The following EHBP1 variants were observed in gnomAD, a reference collection of about 807,000 sequenced individuals.
The protein encoded by EHBP1 is EH domain binding protein 1, also known as EH domain-binding protein 1.
EHBP1 carries 55 observed loss-of-function variants against 144.0 expected under a neutral mutation model. The ratio of observed to expected loss-of-function variants is 0.38; its 90% confidence interval spans 0.31 to 0.48. The LOEUF (loss-of-function observed/expected upper bound fraction) is 0.48, where lower values mean the gene tolerates loss of function less well. EHBP1 is among the 20% of genes least tolerant of loss of function. The pLI, the probability that EHBP1 is intolerant of heterozygous loss-of-function variation, is 0.98. For synonymous variants in EHBP1, 469 were observed against 472.7 expected, an observed-to-expected ratio of 0.99 and a Z score of 0.10; for missense variants, 1,200 against 1,364.2, an observed-to-expected ratio of 0.88 and a Z score of 1.90.
chr2:62,970,541 G>A (rs1298264355), intron 14 of EHBP1, among the ~76,000 whole-genome samples: 1 of 152,072 alleles, frequency 6.6e-6, no homozygotes, highest in African/African-American at 2.4e-5. Context: ...GTGTAGACAT[G>A]TTTCTTAATG....
intron 7 of EHBP1, among the ~76,000 whole-genome samples, chr2:62,857,581 A>G (rs2049158248): frequency 6.6e-6 from 1 of 152,058 alleles, no homozygotes; most frequent in Non-Finnish European, 1.5e-5. Context: ...ATCTGGATCT[A>G]TTTGCTGTAT....
intron 2 of EHBP1, among the ~76,000 whole-genome samples, chr2:62,712,259 G>A (rs1046078452): frequency 6.6e-6 from 1 of 152,166 alleles, no homozygotes; most frequent in African/African-American, 2.4e-5. Context: ...AAGCAGATAG[G>A]TTGGTAGATT....
intron 5 of EHBP1, among the ~76,000 whole-genome samples, chr2:62,803,797 TTG>T (rs1163836444): frequency 6.6e-6 from 1 of 152,198 alleles, no homozygotes; most frequent in East Asian, 1.9e-4. Context: ...ACGTTCAAAT[TTG>T]TGTCTTTTAT....
intron 5 of EHBP1, among the ~76,000 whole-genome samples, chr2:62,787,093 T>C (rs764249300): frequency 5.3e-5 from 8 of 152,220 alleles, no homozygotes; most frequent in Non-Finnish European, 1.0e-4. Context: ...GACAAGACGC[T>C]GTCTTTCTTT....
rs1477433157 is a variant in EHBP1 at position 62,826,108 on chromosome 2, A to C, written c.334A>C (p.Lys112Gln). 6.7e-7 allele frequency: 1 copy of C among 1,497,498 alleles called. No individual in the cohort carries two copies. Among genetic ancestry groups the C allele is most frequent in the Non-Finnish European group, 8.9e-7 (1 of 1,123,142 alleles). 92.8% of individuals were successfully genotyped at this position (1,497,498 alleles called of 1,614,324 possible). A position where few individuals can be genotyped will look rare whatever the true frequency, so the allele number is the denominator to read the frequency against. The change falls in exon 6 of 23, where the codon AAA becomes CAA. Residue 112 changes from lysine to glutamine, a missense_variant. By Grantham distance (53) the Lys-to-Gln change is moderately conservative (BLOSUM62 1). Transcript: ENST00000431489. ...CCAGGAATCCCCTTCTGGTCGAAGG[A>C]AAGCTCTTGCTACTAGCAGCATCAA... ...IENESPSGRR[K>Q]ALATSSINMK... is the part of the protein sequence containing the mutation.
rs2061943530 is a variant in EHBP1 at position 63,046,022 on chromosome 2, CTG to C, written c.*526_*527del. 6.5e-6 allele frequency: 1 copy of C among 154,044 alleles called. No individual in the cohort carries two copies. The highest frequency in any genetic ancestry group is 6.4e-5 in the Admixed American group (1 of 15,514). 9.5% of individuals were successfully genotyped at this position (154,044 alleles called of 1,614,324 possible). A position where few individuals can be genotyped will look rare whatever the true frequency, so the allele number is the denominator to read the frequency against. On this transcript the variant is annotated 3_prime_UTR_variant, in exon 23 of 23. Transcript: ENST00000431489. Reference sequence around the variant, plus strand: ...GATCATATCCAATCTACTTATTAAACTGTGTTCTATTTACCAGTGGAGTTTTT... The same window carrying C: ...GATCATATCCAATCTACTTATTAAACTGTTCTATTTACCAGTGGAGTTTTT...
intron 5 of EHBP1, among the ~76,000 whole-genome samples, chr2:62,776,483 A>G (rs1231237480): frequency 6.6e-6 from 1 of 152,222 alleles, no homozygotes; most frequent in Non-Finnish European, 1.5e-5. Flanking sequence ...ACAGAAGAAT[A>G]TAAAGGAAAG....
intron 2 of EHBP1, among the ~76,000 whole-genome samples, chr2:62,720,861 G>C: frequency 6.6e-6 from 1 of 152,172 alleles, no homozygotes; most frequent in Non-Finnish European, 1.5e-5. Context: ...ATCTCATAAT[G>C]CTTTAAGAAA....
chr2:62,754,224 A>T (rs192370867), intron 3 of EHBP1, among the ~76,000 whole-genome samples: 21 of 152,286 alleles, frequency 1.4e-4, no homozygotes, highest in Admixed American at 1.3e-3. Context: ...CAGGACCCTC[A>T]GCTGTAGGTC....
intron 2 of EHBP1, among the ~76,000 whole-genome samples, chr2:62,721,958 T>A (rs893622225): frequency 2.6e-5 from 4 of 152,112 alleles, no homozygotes; most frequent in Admixed American, 2.0e-4. Flanking sequence ...TACAAATAAT[T>A]CACATATACA....
chr2:62,888,361 A>G (rs1207119295), intron 10 of EHBP1, among the ~76,000 whole-genome samples: 4 of 152,242 alleles, frequency 2.6e-5, no homozygotes, highest in African/African-American at 4.8e-5. Flanking sequence ...ACTGTGTTCA[A>G]TGGGAAAGAT....
chr2:62,877,256 A>T (rs533466685), intron 10 of EHBP1, among the ~76,000 whole-genome samples: 82 of 152,340 alleles, frequency 5.4e-4, no homozygotes, highest in African/African-American at 1.9e-3. Context: ...AGAAAACACA[A>T]AGAAGGGCAT....
chr2:62,859,133 C>T, intron 7 of EHBP1, 36 bp from the exon 8 acceptor site: 5 of 1,568,418 alleles, frequency 3.2e-6, no homozygotes, highest in Non-Finnish European at 4.3e-6. Flanking sequence ...TTACACTTAA[C>T]CATAATAGGG....
chr2:62,972,790 T>C (rs2058554943), intron 14 of EHBP1, among the ~76,000 whole-genome samples: 1 of 152,212 alleles, frequency 6.6e-6, no homozygotes. Context: ...GATTTTGTGC[T>C]GTGTCCATAA....
At chr2:62,943,376 C>CAAAAAAAA (rs11306610) in intron 11 of EHBP1, among the ~76,000 whole-genome samples, 2 of 87,856 alleles carry the variant, frequency 2.3e-5, no homozygotes, top group African/African-American at 4.7e-5. Flanking sequence ...AACTCCGTCT[C>CAAAAAAAA]AAAAAAAAAA....
intron 13 of EHBP1, among the ~76,000 whole-genome samples, chr2:62,950,776 C>A (rs1054186445): frequency 1.3e-5 from 2 of 152,054 alleles, no homozygotes; most frequent in African/African-American, 4.8e-5. Flanking sequence ...ACCTGTGCCT[C>A]CCAGGTTCAA....
At chr2:62,885,851 G>A (rs1045661982) in intron 10 of EHBP1, among the ~76,000 whole-genome samples, 1 of 152,188 alleles carries the variant, frequency 6.6e-6, no homozygotes, top group Non-Finnish European at 1.5e-5. Flanking sequence ...GTGATTGACA[G>A]CAATGCTACT....
intron 2 of EHBP1, among the ~76,000 whole-genome samples, chr2:62,721,404 G>A (rs1250736322): frequency 2.6e-5 from 4 of 152,142 alleles, no homozygotes; most frequent in Non-Finnish European, 5.9e-5. Context: ...TTTCTCCACT[G>A]TAAAGTTACT....
intron 1 of EHBP1, among the ~76,000 whole-genome samples, chr2:62,674,883 G>A (rs1042648744): frequency 2.0e-5 from 3 of 152,032 alleles, no homozygotes; most frequent in Non-Finnish European, 2.9e-5. Context: ...CTCCTGTCTC[G>A]GTCTCCCAAA....
Sources: allele counts gnomAD v4.1 joint callset (sites outside exome capture counted in the v4.1 genomes callset), GRCh38; gene constraint gnomAD v4.1.1; transcripts MANE v1.5; gene names NCBI Gene and HGNC (gene_info 2026-07-23, HGNC 2026-07-21).